Variants in BICDL1 observed in about 807,000 individuals in gnomAD.
BICDL1 encodes BICD family like cargo adaptor 1, also known as BICD family-like cargo adapter 1.
Under a neutral mutation model 76.8 loss-of-function variants are expected in BICDL1, and 20 were observed. The observed-to-expected ratio is 0.26, with a 90% CI of 0.18 to 0.38. The LOEUF is 0.38. Among genes scored for constraint, BICDL1 ranks in the 10% least tolerant of loss-of-function variants. The probability of loss-of-function intolerance (pLI) is 1.00; values close to 1 mark genes in which losing one functional copy is unlikely to be tolerated. For synonymous variants in BICDL1, 383 were observed against 337.1 expected (o/e 1.14, Z -1.49); for missense variants, 700 against 798.6 (o/e 0.88, Z 1.49).
intron 4 of BICDL1, among the ~76,000 whole-genome samples, chr12:120,066,556 A>G (rs1953226163): frequency 6.6e-6 from 1 of 152,192 alleles, no homozygotes; most frequent in South Asian, 2.1e-4. Context: ...TGCCACATGC[A>G]CTTGCTCACC....
At chr12:119,999,062 G>GGA (rs10659159) in intron 2 of BICDL1, among the ~76,000 whole-genome samples, 26 of 95,256 alleles carry the variant, frequency 2.7e-4, no homozygotes, top group African/African-American at 8.5e-4. Flanking sequence ...GCCTGTCTCG[G>GGA]AAAAAAAAAA....
rs1282072676 is a variant in BICDL1 at position 120,071,754 on chromosome 12, A to T, written c.1042A>T (p.Ile348Phe). Residue 348 changes from isoleucine to phenylalanine, a missense_variant, in exon 5 of 10, where the codon ATC becomes TTC. Around this residue, in one of 3 missense-constraint regions of BICDL1, gnomAD observed 455 missense variants for 548.7 expected, o/e 0.83. Coordinates refer to ENST00000548673, the MANE Select transcript of BICDL1 (RefSeq NM_001367886.1). The surrounding 1 kb of genome is among the most constrained non-coding windows in gnomAD (Gnocchi z 4.8). ...AATSTSLLSE[I>F]EQSMEAEELE... ...CACCAGCACATCCCTCCTGTCAGAG[A>T]TCGAGCAGAGCATGGAGGCTGAGGA... is the stretch of plus-strand genomic sequence containing the variant. The T allele has an allele frequency of 1.9e-6, 3 of 1,611,846 alleles. No homozygotes were observed. Among genetic ancestry groups the T allele is most frequent in the Admixed American group, 1.7e-5 (1 of 59,944 alleles).
rs1952794750 is a variant in BICDL1, at chr12:120,048,623, A to AC, written c.646-13085dup. 1.3e-5 allele frequency among the ~76,000 whole-genome samples: 2 copies of AC among 152,168 alleles called. 1 individual carries two copies. The highest frequency in any genetic ancestry group is 4.1e-4 in the South Asian group (2 of 4,826). On this transcript the variant is annotated intron_variant, in intron 2 of 9. Coordinates refer to ENST00000548673, the MANE Select transcript of BICDL1 (RefSeq NM_001367886.1). The stretch of plus-strand genomic sequence containing the variant: ...TTACCTATCCCTTACTCACTCTGTG[A>AC]CCAAGGCATCTCCTCTGGGCCTCAG...
intron 1 of BICDL1, chr12:119,992,357 T>C (rs1465320524): frequency 6.6e-6 from 1 of 152,238 alleles, no homozygotes; most frequent in Non-Finnish European, 1.5e-5. Flanking sequence ...AGAATGTCTG[T>C]TTAGACAATA....
Position 120,075,977 on chromosome 12 carries a change from G to A in BICDL1, c.1452+1391G>A, listed in dbSNP as rs148750518. Reference sequence around the variant, plus strand: ...AGTTCGAGACCAGCCTGGCCAACATGGCGAAACCCCATCTCTACTAAAAAT... The same window carrying A: ...AGTTCGAGACCAGCCTGGCCAACATAGCGAAACCCCATCTCTACTAAAAAT... On this transcript the variant is annotated intron_variant, in intron 7 of 9. Coordinates refer to ENST00000548673, the MANE Select transcript of BICDL1 (RefSeq NM_001367886.1). Among the ~76,000 whole-genome samples, 1,297 of 152,336 alleles carry A rather than the reference G, an allele frequency of 8.5e-3. 18 individuals carry two copies. The highest frequency in any genetic ancestry group is 0.029 in the African/African-American group (1,213 of 41,578).
intron 3 of BICDL1, among the ~76,000 whole-genome samples, chr12:120,062,348 A>T (rs1397296990): frequency 6.6e-6 from 1 of 152,180 alleles, no homozygotes; most frequent in East Asian, 1.9e-4. Flanking sequence ...AAAAGAAAGT[A>T]TCGGCAGGGG....
Position 120,090,741 on chromosome 12 carries a change from C to T in BICDL1, c.1704+670C>T, listed in dbSNP as rs1032614936. The T allele has an allele frequency of 4.8e-5, 21 of 435,140 alleles. 1 individual carries two copies. Among genetic ancestry groups the T allele is most frequent in the African/African-American group, 2.5e-4 (12 of 48,510 alleles). 27.0% of individuals were successfully genotyped at this position (435,140 alleles called of 1,614,324 possible). ...CTGTGGCTTTACAAGGTAAGCCCCC[C>T]GTGGAGGGCAGGTTGTTGGTGACCA... On this transcript the variant is annotated intron_variant, in intron 9 of 9. Coordinates refer to ENST00000548673, the MANE Select transcript of BICDL1 (RefSeq NM_001367886.1).
chr12:120,016,434 CTTTTTTT>C (rs1174613877), intron 2 of BICDL1, among the ~76,000 whole-genome samples: 2 of 95,870 alleles, frequency 2.1e-5, no homozygotes, highest in African/African-American at 4.3e-5. Flanking sequence ...TGTCTGTAAC[CTTTTTTT>C]TTTTTTTTTT....
At chr12:120,014,159 T>C (rs369037760) in intron 2 of BICDL1, among the ~76,000 whole-genome samples, 3 of 152,368 alleles carry the variant, frequency 2.0e-5, no homozygotes, top group African/African-American at 7.2e-5. Context: ...TTTTGTTTTA[T>C]GCAGTCTGTT....
chr12:120,014,293 G>T (rs1278850930), intron 2 of BICDL1, among the ~76,000 whole-genome samples: 2 of 152,188 alleles, frequency 1.3e-5, no homozygotes, highest in Non-Finnish European at 1.5e-5. Flanking sequence ...ATTCTGCTTA[G>T]TATTTGAATT....
At chr12:120,023,662 C>T (rs966851972) in intron 2 of BICDL1, among the ~76,000 whole-genome samples, 1 of 152,020 alleles carries the variant, frequency 6.6e-6, no homozygotes, top group Non-Finnish European at 1.5e-5. Context: ...TGCTGGCAGG[C>T]ACCTGTAATC....
At position 120,079,857 on chromosome 12, in the gene BICDL1, G is replaced by T. The variant is rs1873834531; in HGVS notation, c.1453-1030G>T. Among the ~76,000 whole-genome samples, 1 of 152,248 alleles carries T rather than the reference G, an allele frequency of 6.6e-6. No homozygotes were observed. Among genetic ancestry groups the T allele is most frequent in the Admixed American group, 6.5e-5 (1 of 15,286 alleles). ...CGCCTGGGGCTTTGCTGTGCTCAGAGCTGCAGTCCCTGGAAGGGGTTGTAA... is the reference window on the plus strand; with the variant it reads ...CGCCTGGGGCTTTGCTGTGCTCAGATCTGCAGTCCCTGGAAGGGGTTGTAA... On this transcript the variant is annotated intron_variant, in intron 7 of 9. Coordinates refer to ENST00000548673, the MANE Select transcript of BICDL1 (RefSeq NM_001367886.1). The surrounding 1 kb of genome is among the most constrained non-coding windows in gnomAD (Gnocchi z 4.3).
At chr12:120,088,709 C>G (rs1465078056) in intron 8 of BICDL1, among the ~76,000 whole-genome samples, 2 of 150,052 alleles carry the variant, frequency 1.3e-5, no homozygotes, top group African/African-American at 4.9e-5. Context: ...TTCTGTCACC[C>G]AGGCTGCAGT....
intron 2 of BICDL1, among the ~76,000 whole-genome samples, chr12:120,047,566 T>C (rs1259065093): frequency 6.6e-6 from 1 of 152,220 alleles, no homozygotes; most frequent in Non-Finnish European, 1.5e-5. Flanking sequence ...ATTTGGAATT[T>C]TCACTTTATC....
intron 4 of BICDL1, among the ~76,000 whole-genome samples, chr12:120,065,685 A>G (rs1315671021): frequency 3.9e-5 from 6 of 152,206 alleles, no homozygotes; most frequent in African/African-American, 1.2e-4. Flanking sequence ...CTGGATTGCA[A>G]CAGTGATGTT....
In BICDL1 at chr12:120,094,008, C is replaced by T; in HGVS notation, c.*847C>T. On this transcript the variant is annotated 3_prime_UTR_variant, in exon 10 of 10. Coordinates refer to ENST00000548673, the MANE Select transcript of BICDL1 (RefSeq NM_001367886.1). ...ATACATACATAATTTCTTGGCCTAG[C>T]CAAACAAGTCCAGGCCACTGAATGG... 1 of 353,184 alleles carries T rather than the reference C, an allele frequency of 2.8e-6. No homozygotes were observed. Among genetic ancestry groups the T allele is most frequent in the South Asian group, 2.1e-5 (1 of 47,734 alleles). The allele number at this position is 353,184 out of a possible 1,614,324, so 21.9% of individuals were successfully genotyped here.
At position 120,071,026 on chromosome 12, in the gene BICDL1, G is replaced by A. The variant is rs1032119010; in HGVS notation, c.910-596G>A. Among the ~76,000 whole-genome samples, 2 of 151,098 alleles carry A rather than the reference G, an allele frequency of 1.3e-5. No homozygotes were observed. The highest frequency in any genetic ancestry group is 2.4e-5 in the African/African-American group (1 of 41,068). On this transcript the variant is annotated intron_variant, in intron 4 of 9. Coordinates refer to ENST00000548673, the MANE Select transcript of BICDL1 (RefSeq NM_001367886.1). The surrounding 1 kb of genome is among the most constrained non-coding windows in gnomAD (Gnocchi z 4.8). ...GTTACAGGCGTGAGCCACCACGCCC[G>A]GCCTGGTTGGTATAACTCAAGTCTT...
At chr12:120,057,461 T>C (rs1952999822) in intron 2 of BICDL1, among the ~76,000 whole-genome samples, 1 of 152,212 alleles carries the variant, frequency 6.6e-6, no homozygotes, top group South Asian at 2.1e-4. Context: ...GGCTTCCTTA[T>C]TTAGCATTTA....
intron 2 of BICDL1, among the ~76,000 whole-genome samples, chr12:120,055,603 A>C (rs1302915372): frequency 1.3e-5 from 2 of 152,226 alleles, no homozygotes; most frequent in African/African-American, 4.8e-5. Context: ...TGTGCATTAA[A>C]ATTTTTAGCA....
Sources: gnomAD v4.1 joint callset for allele counts (sites outside exome capture counted in the v4.1 genomes callset) on GRCh38, gnomAD v4.1.1 for gene constraint, gnomAD v4.1.1 regional missense constraint, Gnocchi (gnomAD v3.1) non-coding constraint, MANE v1.5 for transcripts, NCBI Gene and HGNC (gene_info 2026-07-23, HGNC 2026-07-21) for gene names.